SMIM7: variants seen among roughly 807,000 people sequenced by gnomAD.
The protein encoded by SMIM7 is small integral membrane protein 7.
SMIM7 carries 12 observed loss-of-function variants against 13.3 expected under a neutral mutation model. That is an observed-to-expected ratio of 0.90 (90% confidence interval 0.58 to 1.46). The LOEUF is 1.46. Ranked by LOEUF, SMIM7 falls within the 40% of genes most tolerant of loss-of-function variation. The pLI, the probability that SMIM7 is intolerant of heterozygous loss-of-function variation, is 0.00. For missense variants in SMIM7, 114 were observed against 94.8 expected (o/e 1.20, Z -0.84); for synonymous variants, 36 against 35.8 (o/e 1.01, Z -0.02).
intron 3 of SMIM7, among the ~76,000 whole-genome samples, chr19:16,654,887 GC>G (rs112465124): frequency 0.18 from 28,110 of 151,990 alleles, 3,651 homozygotes; most frequent in African/African-American, 0.37. Context: ...GGCCCGCAAA[GC>G]CCTCAGATAT....
intron 4 of SMIM7, among the ~76,000 whole-genome samples, chr19:16,639,133 T>C (rs1368137748): frequency 6.6e-6 from 1 of 151,222 alleles, no homozygotes; most frequent in Non-Finnish European, 1.5e-5. Flanking sequence ...TTTTTTTTTT[T>C]TTTTTTGAGA....
At position 16,646,964 on chromosome 19, in the gene SMIM7, T is replaced by A; in HGVS notation, c.*282A>T. The A allele has an allele frequency of 1.9e-6, 1 of 532,360 alleles. No homozygotes were observed. 33.0% of individuals were successfully genotyped at this position (532,360 alleles called of 1,614,324 possible). ...ATAGAAATGATTTTTCTTTTATCTATGGGGAATGCAATTTCATCACAGCCC... is the reference window on the plus strand; with the variant it reads ...ATAGAAATGATTTTTCTTTTATCTAAGGGGAATGCAATTTCATCACAGCCC... On this transcript the variant is annotated 3_prime_UTR_variant, in exon 5 of 5. Transcript: ENST00000487416.
At chr19:16,642,133 G>A (rs189354057), downstream of SMIM7, among the ~76,000 whole-genome samples, 1,510 of 152,262 alleles carry the variant, frequency 9.9e-3, 12 homozygotes, top group Non-Finnish European at 0.013. Flanking sequence ...TTATCACTTC[G>A]GCAGTGACTC....
chr19:16,656,296 G>A (rs895990355), intron 3 of SMIM7, among the ~76,000 whole-genome samples: 6 of 152,134 alleles, frequency 3.9e-5, no homozygotes, highest in South Asian at 4.1e-4. Context: ...GCTGAGGCAC[G>A]AAAATCACTT....
At chr19:16,650,858 C>T (rs534102169) in intron 4 of SMIM7, among the ~76,000 whole-genome samples, 1 of 152,304 alleles carries the variant, frequency 6.6e-6, no homozygotes, top group African/African-American at 2.4e-5. Flanking sequence ...GTGTTTCACT[C>T]CCATACTTAA....
At chr19:16,641,670 C>T (rs1266053245), downstream of SMIM7, among the ~76,000 whole-genome samples, 1 of 151,962 alleles carries the variant, frequency 6.6e-6, no homozygotes, top group Non-Finnish European at 1.5e-5. Context: ...AAAATCTCGG[C>T]TCACTGCAAC....
chr19:16,659,156 A>G (rs2086634404), intron 3 of SMIM7: 1 of 578,050 alleles, frequency 1.7e-6, no homozygotes, highest in East Asian at 3.0e-5. Flanking sequence ...GGTGGCACAC[A>G]CCTGTAATCC....
chr19:16,642,899 C>A (rs923440050), downstream of SMIM7, among the ~76,000 whole-genome samples: 4 of 150,718 alleles, frequency 2.7e-5, no homozygotes. Flanking sequence ...TCATGGCTCA[C>A]TGCGACCTCC....
intron 3 of SMIM7, among the ~76,000 whole-genome samples, chr19:16,657,239 C>G (rs1348392046): frequency 6.6e-6 from 1 of 152,184 alleles, no homozygotes; most frequent in African/African-American, 2.4e-5. Context: ...GGTGCAGCAC[C>G]TGGGCTGGAA....
intron 4 of SMIM7, chr19:16,653,805 G>T: frequency 2.0e-6 from 1 of 501,252 alleles, no homozygotes; most frequent in Non-Finnish European, 3.5e-6. Flanking sequence ...TGAGGCAGGA[G>T]AATCGCTTAG....
intron 4 of SMIM7, chr19:16,652,886 A>G (rs1468019087): frequency 1.3e-6 from 2 of 1,548,220 alleles, no homozygotes; most frequent in Admixed American, 3.9e-5. Context: ...AGCAAATCTC[A>G]CAATTCGTTA....
At chr19:16,636,881 A>T (rs1434616156) in intron 4 of SMIM7, among the ~76,000 whole-genome samples, 1 of 152,156 alleles carries the variant, frequency 6.6e-6, no homozygotes, top group Non-Finnish European at 1.5e-5. Context: ...TGAGCTCAGG[A>T]GGTTTAGGCT....
At chr19:16,659,667 G>A in intron 2 of SMIM7, 1 of 656,366 alleles carries the variant, frequency 1.5e-6, no homozygotes, top group Non-Finnish European at 2.6e-6. Context: ...TGGCCCGACA[G>A]TGCGGGTGCA....
chr19:16,652,558 G>C, intron 4 of SMIM7: 3 of 1,118,120 alleles, frequency 2.7e-6, no homozygotes, highest in Non-Finnish European at 3.3e-6. Flanking sequence ...TTTGTTCCTA[G>C]GCAAGTCTCA....
intron 2 of SMIM7, 164 bp downstream of exon 2, chr19:16,659,794 TG>T (rs1168124134): frequency 4.9e-6 from 4 of 812,118 alleles, no homozygotes; most frequent in Non-Finnish European, 7.6e-6. Context: ...TCTCGGGGGG[TG>T]GGGGGCGAGG....
intron 3 of SMIM7, among the ~76,000 whole-genome samples, chr19:16,654,453 T>C (rs991515135): frequency 2.0e-4 from 31 of 152,306 alleles, no homozygotes; most frequent in Admixed American, 9.2e-4. Context: ...CTTACTGAGC[T>C]GGGAAGATGT....
In SMIM7 at chr19:16,659,145, T is replaced by C. The variant is rs146893421; in HGVS notation, c.121+250A>G. On this transcript the variant is annotated intron_variant, in intron 3 of 4. Transcript: ENST00000487416. Reference sequence around the variant, plus strand: ...AAAAAATACAAAATTTAGCCTGGCATGGTGGCACACACCTGTAATCCCAGC... The same window carrying C: ...AAAAAATACAAAATTTAGCCTGGCACGGTGGCACACACCTGTAATCCCAGC... 9.0e-3 allele frequency: 5,021 copies of C among 560,398 alleles called. 202 individuals are homozygous for C. Among genetic ancestry groups the C allele is most frequent in the African/African-American group, 0.082 (4,344 of 52,656 alleles). The allele number at this position is 560,398 out of a possible 1,614,324, so 34.7% of individuals were successfully genotyped here.
chr19:16,659,459 A>G lies in SMIM7; in HGVS notation c.69-12T>C, dbSNP rs376538398. 4 of 1,611,592 alleles carry G rather than the reference A, an allele frequency of 2.5e-6. No homozygotes were observed. The highest frequency in any genetic ancestry group is 3.4e-6 in the Non-Finnish European group (4 of 1,179,190). On this transcript the variant is annotated splice_polypyrimidine_tract_variant and intron_variant, in intron 2 of 4. Coordinates refer to ENST00000487416, the MANE Select transcript of SMIM7 (RefSeq NM_024104.4). ...TGTCCTTCTTTTTCCTACAAAGAGG[A>G]GCAGACAGTGTCCACTTTCAATGGG... is the stretch of plus-strand genomic sequence containing the variant.
chr19:16,634,704 G>A (rs938781112), intron 4 of SMIM7: 3 of 148,540 alleles, frequency 2.0e-5, no homozygotes, highest in Admixed American at 6.8e-5. Context: ...CTTGAATCCA[G>A]GAGGTGGAGG....
Sources: gnomAD v4.1 joint callset for allele counts (sites outside exome capture counted in the v4.1 genomes callset) on GRCh38, gnomAD v4.1.1 for gene constraint, MANE v1.5 for transcripts, NCBI Gene and HGNC (gene_info 2026-07-23, HGNC 2026-07-21) for gene names.